MAGI1: variants seen among roughly 807,000 people sequenced by gnomAD.
MAGI1 encodes the protein membrane associated guanylate kinase, WW and PDZ domain containing 1.
Under a neutral mutation model 139.9 loss-of-function variants are expected in MAGI1, and 58 were observed. That is an observed-to-expected ratio of 0.41 (90% CI 0.34 to 0.52). The LOEUF is 0.52. Among genes scored for constraint, MAGI1 ranks in the 20% least tolerant of loss-of-function variants. The pLI, the probability that MAGI1 is intolerant of heterozygous loss-of-function variation, is 0.12. For synonymous variants in MAGI1, 812 were observed against 737.9 expected, an observed-to-expected ratio of 1.10 and a Z score of -1.63; for missense variants, 1,874 against 1,901.6, an observed-to-expected ratio of 0.99 and a Z score of 0.27.
At chr3:65,437,091 T>C (rs1323663723) in intron 10 of MAGI1, 64 bp downstream of exon 10, 1 of 1,171,730 alleles carries the variant, frequency 8.5e-7, no homozygotes, top group Non-Finnish European at 1.2e-6. Flanking sequence ...CTTTTCAAAA[T>C]ACCTTAAAAA....
Position 65,791,532 on chromosome 3 carries a change from T to A in MAGI1, c.314-169444A>T, listed in dbSNP as rs367738090. Among the ~76,000 whole-genome samples, 111 of 152,216 alleles carry A rather than the reference T, an allele frequency of 7.3e-4. No individual in the cohort carries two copies. In the Middle Eastern group the frequency reaches 0.017, roughly 23 times the overall value. On this transcript the variant is annotated intron_variant, in intron 1 of 22. Coordinates refer to ENST00000402939, the MANE Select transcript of MAGI1 (RefSeq NM_001033057.2). Reference sequence around the variant, plus strand: ...ATACTGGAGGGTATACAGTTACATATTTTAAACACAGAAAAGAGAAAGGGA... The same window carrying A: ...ATACTGGAGGGTATACAGTTACATAATTTAAACACAGAAAAGAGAAAGGGA...
intron 2 of MAGI1, among the ~76,000 whole-genome samples, chr3:65,575,281 C>A (rs1423428444): frequency 6.6e-6 from 1 of 151,958 alleles, no homozygotes; most frequent in Non-Finnish European, 1.5e-5. Flanking sequence ...CAAATGAGCA[C>A]ATGAAAAATT....
chr3:65,468,404 A>C, intron 5 of MAGI1, among the ~76,000 whole-genome samples: 1 of 102,954 alleles, frequency 9.7e-6, no homozygotes, highest in Non-Finnish European at 1.7e-5. Flanking sequence ...TTTGAGACAG[A>C]GTCTTGCTCT....
At chr3:65,687,506 G>T in intron 1 of MAGI1, 1 of 381,114 alleles carries the variant, frequency 2.6e-6, no homozygotes, top group Non-Finnish European at 5.4e-6. Context: ...TCCTGATTCT[G>T]CTGAGCAGGC....
chr3:65,962,852 C>T (rs1276103952), intron 1 of MAGI1, among the ~76,000 whole-genome samples: 1 of 106,388 alleles, frequency 9.4e-6, no homozygotes. Context: ...AAAAAAGAAG[C>T]AGAAGAAAAA....
intron 1 of MAGI1, among the ~76,000 whole-genome samples, chr3:65,859,051 G>A (rs2059458654): frequency 6.6e-6 from 1 of 152,176 alleles, no homozygotes; most frequent in African/African-American, 2.4e-5. Context: ...TGCTAAAACT[G>A]GCTAGGCATG....
chr3:65,543,764 G>GA lies in MAGI1; in HGVS notation c.431-50134_431-50133insT, dbSNP rs35374622. Among the ~76,000 whole-genome samples, 647 of 151,848 alleles carry GA rather than the reference G, an allele frequency of 4.3e-3. 11 individuals are homozygous for GA. Among genetic ancestry groups the GA allele is most frequent in the Admixed American group, 0.038 (576 of 15,252 alleles). On this transcript the variant is annotated intron_variant, in intron 2 of 22. Transcript: ENST00000402939. ...TGGGGCCTGTCAGGGATGGGGGGGGGTACAAGAGGGATAGCATTTGGAGAA... is the reference window on the plus strand; with the variant it reads ...TGGGGCCTGTCAGGGATGGGGGGGGGATACAAGAGGGATAGCATTTGGAGAA...
intron 2 of MAGI1, among the ~76,000 whole-genome samples, chr3:65,515,336 A>G (rs1185278333): frequency 2.0e-5 from 3 of 152,178 alleles, no homozygotes; most frequent in African/African-American, 7.2e-5. Flanking sequence ...GAAGACAGCA[A>G]TTTTTTAAAT....
chr3:65,438,931 C>T (rs1451716186), intron 9 of MAGI1, among the ~76,000 whole-genome samples: 3 of 152,164 alleles, frequency 2.0e-5, no homozygotes, highest in Non-Finnish European at 2.9e-5. Flanking sequence ...TCTTTATTAT[C>T]TGGCTGTTTA....
intron 1 of MAGI1, 72 bp downstream of exon 1, chr3:66,037,924 C>A: frequency 6.6e-7 from 1 of 1,509,922 alleles, no homozygotes; most frequent in Non-Finnish European, 8.9e-7. Context: ...AGCAGGAAAT[C>A]GAGAATAAGG....
At chr3:65,494,954 T>C (rs536476090) in intron 2 of MAGI1, among the ~76,000 whole-genome samples, 2 of 152,374 alleles carry the variant, frequency 1.3e-5, no homozygotes, top group East Asian at 3.9e-4. Flanking sequence ...ATAGTATAGA[T>C]GTTTGCTTCT....
At chr3:65,973,117 T>A (rs1391809372) in intron 1 of MAGI1, among the ~76,000 whole-genome samples, 1 of 151,062 alleles carries the variant, frequency 6.6e-6, no homozygotes, top group African/African-American at 2.4e-5. Flanking sequence ...GCCACTACAC[T>A]CCAGCTGGGT....
In MAGI1 at chr3:65,360,794, A is replaced by G. The variant is rs547702936; in HGVS notation, c.3634+405T>C. The G allele has an allele frequency of 1.0e-4, 106 of 1,025,890 alleles. No homozygotes were observed. In the African/African-American group the frequency reaches 1.7e-3, roughly 17 times the overall value. The allele number at this position is 1,025,890 out of a possible 1,614,324, so 63.5% of individuals were successfully genotyped here. A position where few individuals can be genotyped will look rare whatever the true frequency, so the allele number is the denominator to read the frequency against. On this transcript the variant is annotated intron_variant, in intron 22 of 22. Transcript: ENST00000402939. ...AAGACACCAAGTAACCAAAAAGGAA[A>G]AAATAATTGTGCCTCAACATATCAC...
intron 2 of MAGI1, among the ~76,000 whole-genome samples, chr3:65,607,607 C>CA (rs2082812226): frequency 6.6e-6 from 1 of 152,148 alleles, no homozygotes; most frequent in Admixed American, 6.5e-5. Flanking sequence ...AAATAAAACA[C>CA]AAAGCTCACT....
chr3:65,763,310 G>A (rs1029792294), intron 1 of MAGI1, among the ~76,000 whole-genome samples: 3 of 152,086 alleles, frequency 2.0e-5, no homozygotes, highest in African/African-American at 7.2e-5. Context: ...AAAGTATCTA[G>A]GTTTTGCCAC....
chr3:65,627,571 G>A (rs565724363), intron 1 of MAGI1, among the ~76,000 whole-genome samples: 16 of 119,128 alleles, frequency 1.3e-4, no homozygotes, highest in Admixed American at 3.6e-4. Context: ...TCAGTGACGC[G>A]ATCTTGGCTC....
At chr3:65,421,561 C>T (rs1418210568) in intron 12 of MAGI1, among the ~76,000 whole-genome samples, 1 of 152,136 alleles carries the variant, frequency 6.6e-6, no homozygotes, top group Non-Finnish European at 1.5e-5. Flanking sequence ...GCTGATAGCT[C>T]ATATGGCAGA....
intron 1 of MAGI1, among the ~76,000 whole-genome samples, chr3:65,852,979 C>CAAAAAAAA (rs57460083): frequency 9.6e-5 from 10 of 104,240 alleles, no homozygotes; most frequent in Non-Finnish European, 1.4e-4. Flanking sequence ...ACTAAAAATA[C>CAAAAAAAA]AAAAAAAAAA....
intron 1 of MAGI1, among the ~76,000 whole-genome samples, chr3:65,690,723 A>ACCTCCCAATGTGCTGGCATTACAG (rs2088529076): frequency 7.5e-6 from 1 of 133,322 alleles, no homozygotes; most frequent in Non-Finnish European, 1.6e-5. Flanking sequence ...CAAGTGATCC[A>ACCTCCCAATGTGCTGGCATTACAG]CCTCCCAATG....
Sources: allele counts gnomAD v4.1 joint callset (sites outside exome capture counted in the v4.1 genomes callset), GRCh38; gene constraint gnomAD v4.1.1; transcripts MANE v1.5; gene names NCBI Gene and HGNC (gene_info 2026-07-23, HGNC 2026-07-21).